Variants in SPAG9 observed in about 807,000 individuals in gnomAD.
The protein encoded by SPAG9 is C-Jun-amino-terminal kinase-interacting protein 4.
Under a neutral mutation model 166.5 loss-of-function variants are expected in SPAG9, and 35 were observed. The ratio of observed to expected loss-of-function variants is 0.21; its 90% CI spans 0.16 to 0.28. The LOEUF (loss-of-function observed/expected upper bound fraction) is 0.28. Among genes scored for constraint, SPAG9 ranks in the 10% least tolerant of loss-of-function variants. SPAG9 has a pLI of 1.00. For synonymous variants in SPAG9, 534 were observed against 565.5 expected, an observed-to-expected ratio of 0.94 and a Z score of 0.79; for missense variants, 1,235 against 1,603.3, an observed-to-expected ratio of 0.77 and a Z score of 3.92.
intron 9 of SPAG9, among the ~76,000 whole-genome samples, chr17:51,011,494 T>C (rs1328164854): frequency 6.6e-6 from 1 of 151,914 alleles, no homozygotes; most frequent in Non-Finnish European, 1.5e-5. Flanking sequence ...GCAATTCTCC[T>C]GCCTCAGCCT....
Position 51,120,326 on chromosome 17 carries a change from G to C in SPAG9, c.303+28C>G. The C allele has an allele frequency of 6.8e-7, 1 of 1,478,518 alleles. No homozygotes were observed. The highest frequency in any genetic ancestry group is 9.0e-7 in the Non-Finnish European group (1 of 1,108,620). The allele number at this position is 1,478,518 out of a possible 1,614,324, so 91.6% of individuals were successfully genotyped here. A position where few individuals can be genotyped will look rare whatever the true frequency, so the allele number is the denominator to read the frequency against. On this transcript the variant is annotated intron_variant, in intron 1 of 29. Coordinates refer to ENST00000262013, the MANE Select transcript of SPAG9 (RefSeq NM_001130528.3). The surrounding 1 kb of genome is among the most constrained non-coding windows in gnomAD (Gnocchi z 4.7). Reference sequence around the variant, plus strand: ...CCGGCCGCCCCCGGAGACGGATCCCGCGGCCCCCGCCCTGCCGCCGGCCTC... The same window carrying C: ...CCGGCCGCCCCCGGAGACGGATCCCCCGGCCCCCGCCCTGCCGCCGGCCTC...
intron 2 of SPAG9, 82 bp downstream of exon 2, chr17:51,079,502 G>C (rs2144638985): frequency 7.2e-7 from 1 of 1,381,418 alleles, no homozygotes; most frequent in East Asian, 2.3e-5. Flanking sequence ...GCCTCCCAAA[G>C]TGCTGGGATT....
intron 22 of SPAG9, among the ~76,000 whole-genome samples, chr17:50,986,137 G>A (rs984782681): frequency 2.0e-5 from 3 of 152,224 alleles, no homozygotes; most frequent in African/African-American, 2.4e-5. Flanking sequence ...CACATAGGGA[G>A]TGGCAAACTA....
intron 1 of SPAG9, among the ~76,000 whole-genome samples, chr17:51,082,016 A>C (rs1036498047): frequency 1.3e-5 from 2 of 152,042 alleles, no homozygotes; most frequent in Non-Finnish European, 2.9e-5. Flanking sequence ...CTCTCTACTT[A>C]CTTCCTTCAC....
At chr17:51,076,841 T>C (rs2047983632) in intron 2 of SPAG9, among the ~76,000 whole-genome samples, 1 of 152,084 alleles carries the variant, frequency 6.6e-6, no homozygotes, top group African/African-American at 2.4e-5. Flanking sequence ...CAACTGTGTC[T>C]TTAGTGTTTG....
intron 1 of SPAG9, among the ~76,000 whole-genome samples, chr17:51,109,231 TTTTC>T (rs890660021): frequency 5.3e-4 from 80 of 151,948 alleles, no homozygotes; most frequent in African/African-American, 1.8e-3. Context: ...TTAAATTTCT[TTTTC>T]TTTTTCTTTT....
At chr17:51,011,814 A>T (rs1013380629) in intron 9 of SPAG9, among the ~76,000 whole-genome samples, 1 of 152,240 alleles carries the variant, frequency 6.6e-6, no homozygotes, top group Non-Finnish European at 1.5e-5. Context: ...TGGAAAAGAT[A>T]GTTTGTAGTC....
chr17:50,966,418 C>G, intron 29 of SPAG9, 31 bp from the exon 30 acceptor site: 1 of 1,290,662 alleles, frequency 7.7e-7, no homozygotes, highest in Non-Finnish European at 1.1e-6. Flanking sequence ...TCAAGTTAGG[C>G]TGAACACATA....
intron 2 of SPAG9, among the ~76,000 whole-genome samples, chr17:51,073,524 TAAG>T (rs1013152019): frequency 2.0e-5 from 3 of 151,284 alleles, no homozygotes; most frequent in Middle Eastern, 3.2e-3. Flanking sequence ...AAATTAAAAA[TAAG>T]AAGCTTTGAT....
chr17:51,117,304 C>T (rs796414335), intron 1 of SPAG9, among the ~76,000 whole-genome samples: 45 of 152,268 alleles, frequency 3.0e-4, no homozygotes, highest in African/African-American at 9.9e-4. Flanking sequence ...CAGAGGTGCT[C>T]AGAATTTACT....
At chr17:51,018,003 G>T (rs1309982239) in intron 8 of SPAG9, among the ~76,000 whole-genome samples, 1 of 152,084 alleles carries the variant, frequency 6.6e-6, no homozygotes, top group Non-Finnish European at 1.5e-5. Context: ...CTTTATGGAA[G>T]AAATGAAAAG....
At chr17:51,037,685 A>ATATATATATATTGTGTGTGT in intron 5 of SPAG9, among the ~76,000 whole-genome samples, 1 of 83,492 alleles carries the variant, frequency 1.2e-5, no homozygotes, top group African/African-American at 3.9e-5. Context: ...ATATATATAT[A>ATATATATATATTGTGTGTGT]GTGTGTGTGT....
chr17:50,998,036 T>TC (rs1417673993), intron 15 of SPAG9, among the ~76,000 whole-genome samples: 3 of 139,284 alleles, frequency 2.2e-5, no homozygotes, highest in Non-Finnish European at 4.5e-5. Flanking sequence ...TTTTTTTTTT[T>TC]TTTTTTTTTT....
chr17:51,052,045 A>C (rs1339466981), intron 3 of SPAG9, among the ~76,000 whole-genome samples: 2 of 152,168 alleles, frequency 1.3e-5, no homozygotes, highest in Non-Finnish European at 2.9e-5. Context: ...GTATACAAAA[A>C]TTTGATTTAA....
intron 1 of SPAG9, among the ~76,000 whole-genome samples, chr17:51,086,930 A>C (rs1275478340): frequency 6.6e-6 from 1 of 152,206 alleles, no homozygotes; most frequent in African/African-American, 2.4e-5. Context: ...TCAAAAAATA[A>C]ATAAAATAAT....
At position 51,040,175 on chromosome 17, in the gene SPAG9, G is replaced by A. The variant is rs187853662; in HGVS notation, c.741+1326C>T. Among the ~76,000 whole-genome samples, 347 of 150,486 alleles carry A rather than the reference G, an allele frequency of 2.3e-3. 2 individuals carry two copies. Among genetic ancestry groups the A allele is most frequent in the Non-Finnish European group, 4.0e-3 (270 of 67,758 alleles). ...CTTGAACCCAGGAGGAGGATGCAGT[G>A]AGCCAAGGTTGAAATGAGCTGAGAT... is the stretch of plus-strand genomic sequence containing the variant. On this transcript the variant is annotated intron_variant, in intron 5 of 29. Transcript: ENST00000262013.
At chr17:51,067,640 C>A (rs950584654) in intron 2 of SPAG9, among the ~76,000 whole-genome samples, 3 of 151,796 alleles carry the variant, frequency 2.0e-5, no homozygotes, top group African/African-American at 4.8e-5. Context: ...AAACAAGATT[C>A]TGTTCATCCT....
chr17:51,070,136 C>G (rs1323315046), intron 2 of SPAG9, among the ~76,000 whole-genome samples: 1 of 150,650 alleles, frequency 6.6e-6, no homozygotes, highest in African/African-American at 2.4e-5. Context: ...TTAAGAAGTA[C>G]TCACTAAAAA....
intron 2 of SPAG9, among the ~76,000 whole-genome samples, chr17:51,060,098 A>T (rs2047462318): frequency 6.6e-6 from 1 of 152,082 alleles, no homozygotes; most frequent in Non-Finnish European, 1.5e-5. Context: ...CCCCACAGAG[A>T]ACTCTTATCT....
Sources: allele counts gnomAD v4.1 joint callset (sites outside exome capture counted in the v4.1 genomes callset), GRCh38; gene constraint gnomAD v4.1.1; non-coding constraint Gnocchi (gnomAD v3.1); transcripts MANE v1.5; gene names NCBI Gene and HGNC (gene_info 2026-07-23, HGNC 2026-07-21).